Variants in TMC8 observed in about 807,000 individuals in gnomAD.
The protein encoded by TMC8 is transmembrane channel-like protein 8.
TMC8 carries 71 observed loss-of-function variants against 76.0 expected under a neutral mutation model. The ratio of observed to expected loss-of-function variants is 0.93; its 90% CI spans 0.77 to 1.14. TMC8 has a LOEUF of 1.14. Among genes scored for constraint, TMC8 ranks in the 50% most tolerant of loss-of-function variants. TMC8 has a pLI of 0.00. For missense variants in TMC8, 924 were observed against 947.9 expected, an observed-to-expected ratio of 0.97 and a Z score of 0.33; for synonymous variants, 433 against 433.8, an observed-to-expected ratio of 1.00 and a Z score of 0.02.
intron 4 of TMC8, 69 bp from the exon 5 acceptor site, chr17:78,132,719 A>G: frequency 6.4e-7 from 1 of 1,572,554 alleles, no homozygotes; most frequent in South Asian, 1.1e-5. Flanking sequence ...GGGGTTATAG[A>G]GCAGTAGCCG....
chr17:78,139,003 C>G (rs759669928), intron 14 of TMC8, 159 bp from the exon 15 acceptor site: 1 of 1,559,490 alleles, frequency 6.4e-7, no homozygotes, highest in Admixed American at 1.9e-5. Flanking sequence ...AGGGGCTCTG[C>G]GAGGAAGGAG....
chr17:78,142,924 A>G lies in TMC8; in HGVS notation c.*1812A>G, dbSNP rs2075396424. 1 of 148,824 alleles carries G rather than the reference A, an allele frequency of 6.7e-6. No individual in the cohort carries two copies. The highest frequency in any genetic ancestry group is 2.5e-5 in the African/African-American group (1 of 40,224). 9.2% of individuals were successfully genotyped at this position (148,824 alleles called of 1,614,324 possible). ...TCACCCAGGGCGAGACAAAGACGCC[A>G]TGCTCCTCCAAGTGGCCTCCAAGAT... On this transcript the variant is annotated 3_prime_UTR_variant, in exon 16 of 16. Coordinates refer to ENST00000318430, the MANE Select transcript of TMC8 (RefSeq NM_152468.5).
intron 15 of TMC8, among the ~76,000 whole-genome samples, chr17:78,139,470 C>T (rs2075319694): frequency 6.6e-6 from 1 of 152,172 alleles, no homozygotes; most frequent in African/African-American, 2.4e-5. Context: ...TGGGCCTTTG[C>T]CTGTAATCCC....
chr17:78,137,062 C>T (rs2075251646), intron 9 of TMC8, 173 bp from the exon 10 acceptor site: 5 of 940,994 alleles, frequency 5.3e-6, no homozygotes, highest in South Asian at 3.0e-5. Flanking sequence ...CCTGGAGACT[C>T]GGACTCTGAG....
rs2075385176 is a variant in TMC8 at position 78,142,257 on chromosome 17, A to G, written c.*1145A>G. 6.6e-6 allele frequency: 1 copy of G among 152,218 alleles called. No homozygotes were observed. The highest frequency in any genetic ancestry group is 1.5e-5 in the Non-Finnish European group (1 of 68,052). The allele number at this position is 152,218 out of a possible 1,614,324, so 9.4% of individuals were successfully genotyped here. ...GTTGGGCTGGGTGTGGCCAGCAGCC[A>G]GGGCATCGGGACTTTTCGAAGCTCC... On this transcript the variant is annotated 3_prime_UTR_variant, in exon 16 of 16. Coordinates refer to ENST00000318430, the MANE Select transcript of TMC8 (RefSeq NM_152468.5).
chr17:78,133,557 C>T lies in TMC8; in HGVS notation c.668+15C>T. 2 of 1,608,892 alleles carry T rather than the reference C, an allele frequency of 1.2e-6. No individual in the cohort carries two copies. Among genetic ancestry groups the T allele is most frequent in the Non-Finnish European group, 1.7e-6 (2 of 1,179,958 alleles). Reference sequence around the variant, plus strand: ...ACTCTGCGGCGGTGAGAGCGAGGTCCACACCTTCACCCCTTCCCCAGGGAA... The same window carrying T: ...ACTCTGCGGCGGTGAGAGCGAGGTCTACACCTTCACCCCTTCCCCAGGGAA... On this transcript the variant is annotated intron_variant, in intron 6 of 15. Transcript: ENST00000318430.
chr17:78,141,448 A>T lies in TMC8; in HGVS notation c.*336A>T, dbSNP rs374579830. ...GAGTGCAATTTATACACATACATCT[A>T]TTGGGAATGCTCAGAAGTTGTTTAC... On this transcript the variant is annotated 3_prime_UTR_variant, in exon 16 of 16. Coordinates refer to ENST00000318430, the MANE Select transcript of TMC8 (RefSeq NM_152468.5). 8 of 208,304 alleles carry T rather than the reference A, an allele frequency of 3.8e-5. No homozygotes were observed. Among genetic ancestry groups the T allele is most frequent in the African/African-American group, 1.6e-4 (7 of 43,854 alleles). The allele number at this position is 208,304 out of a possible 1,614,324, so 12.9% of individuals were successfully genotyped here.
intron 15 of TMC8, 150 bp from the exon 16 acceptor site, chr17:78,140,684 C>A: frequency 1.8e-6 from 2 of 1,106,386 alleles, no homozygotes; most frequent in Non-Finnish European, 2.6e-6. Context: ...GGTGTGGCCT[C>A]GAGCGGGGCG....
At chr17:78,132,573 A>G in intron 4 of TMC8, 65 bp downstream of exon 4, 6 of 1,565,630 alleles carry the variant, frequency 3.8e-6, no homozygotes, top group Non-Finnish European at 5.2e-6. Flanking sequence ...GGGCTGGCCC[A>G]GGGCCCAGAG....
intron 8 of TMC8, 48 bp from the exon 9 acceptor site, chr17:78,134,822 C>G (rs550734075): frequency 1.9e-6 from 3 of 1,610,670 alleles, no homozygotes; most frequent in Admixed American, 3.3e-5. Flanking sequence ...GGGGAGCAGA[C>G]AGGGGCCCCC....
At chr17:78,137,537 G>T in intron 10 of TMC8, 179 bp downstream of exon 10, 1 of 1,223,408 alleles carries the variant, frequency 8.2e-7, no homozygotes, top group Non-Finnish European at 1.2e-6. Flanking sequence ...GTGTAGTGTG[G>T]CTGCCCTGGC....
chr17:78,139,750 A>AC (rs2075328062), intron 15 of TMC8, among the ~76,000 whole-genome samples: 1 of 149,866 alleles, frequency 6.7e-6, no homozygotes, highest in Non-Finnish European at 1.5e-5. Context: ...AAAAAAAAAA[A>AC]AAACCGGGCA....
rs2075361807 is a variant in TMC8, at chr17:78,140,971, C to G, written c.2040C>G (p.Cys680Trp). ...AGTCCTTCTGCCCCGGATGCCCATG[C>G]CCTGGCTCCCCGGGCCACCAGGCCC... ...RPQSFCPGCPCPGSPGHQAPR... is the reference protein window; with the variant it reads ...RPQSFCPGCPWPGSPGHQAPR... The change falls in exon 16 of 16, where the codon TGC becomes TGG. Residue 680 changes from cysteine (C) to tryptophan (W), a missense_variant. By Grantham distance (215) the Cys-to-Trp change is radical. Transcript: ENST00000318430. The G allele has an allele frequency of 1.3e-6, 2 of 1,593,332 alleles. No individual in the cohort carries two copies. The highest frequency in any genetic ancestry group is 2.7e-5 in the African/African-American group (2 of 74,448).
chr17:78,141,402 G>C lies in TMC8; in HGVS notation c.*290G>C. 3.4e-6 allele frequency: 1 copy of C among 295,308 alleles called. No homozygotes were observed. The highest frequency in any genetic ancestry group is 6.2e-6 in the Non-Finnish European group (1 of 160,142). The allele number at this position is 295,308 out of a possible 1,614,324, so 18.3% of individuals were successfully genotyped here. Reference sequence around the variant, plus strand: ...TGCGATTTTTTCTAGAATGTGTTCTGCTGATTTGTTTTAGAGCCATGAGTG... The same window carrying C: ...TGCGATTTTTTCTAGAATGTGTTCTCCTGATTTGTTTTAGAGCCATGAGTG... On this transcript the variant is annotated 3_prime_UTR_variant, in exon 16 of 16. Transcript: ENST00000318430.
intron 8 of TMC8, 103 bp downstream of exon 8, chr17:78,134,667 T>C: frequency 6.5e-7 from 1 of 1,547,134 alleles, no homozygotes; most frequent in South Asian, 1.2e-5. Flanking sequence ...AGAGGTTCAA[T>C]CGGTCGTGGC....
chr17:78,141,395 GT>G lies in TMC8; in HGVS notation c.*284del, dbSNP rs2075370513. 3 of 310,508 alleles carry G rather than the reference GT, an allele frequency of 9.7e-6. No individual in the cohort carries two copies. The highest frequency in any genetic ancestry group is 1.8e-5 in the Non-Finnish European group (3 of 169,566). The allele number at this position is 310,508 out of a possible 1,614,324, so 19.2% of individuals were successfully genotyped here. A position where few individuals can be genotyped will look rare whatever the true frequency, so the allele number is the denominator to read the frequency against. The stretch of plus-strand genomic sequence containing the variant: ...TCTTGAATGCGATTTTTTCTAGAAT[GT>G]GTTCTGCTGATTTGTTTTAGAGCCA... On this transcript the variant is annotated 3_prime_UTR_variant, in exon 16 of 16. Transcript: ENST00000318430.
At chr17:78,133,816 C>A in intron 6 of TMC8, 37 bp from the exon 7 acceptor site, 1 of 1,612,094 alleles carries the variant, frequency 6.2e-7, no homozygotes, top group South Asian at 1.1e-5. Flanking sequence ...GGTAGAGGTG[C>A]CCCTCCTCCA....
intron 9 of TMC8, chr17:78,136,688 G>A (rs2075240629): frequency 5.3e-6 from 1 of 188,974 alleles, no homozygotes. Flanking sequence ...CTCCACCGCA[G>A]GGCTTGCTGC....
chr17:78,134,380 AC>A lies in TMC8; in HGVS notation c.817-11del. On this transcript the variant is annotated splice_polypyrimidine_tract_variant and intron_variant, in intron 7 of 15. Transcript: ENST00000318430. ...CCCGCCTGCAGCTGCCTCTGTCCCC[AC>A]CCTTCCGGGCAGGTGGAGCTGGAGG... The A allele has an allele frequency of 1.9e-6, 3 of 1,608,190 alleles. No homozygotes were observed. The highest frequency in any genetic ancestry group is 2.5e-6 in the Non-Finnish European group (3 of 1,179,798).
Sources: gnomAD v4.1 joint callset for allele counts (sites outside exome capture counted in the v4.1 genomes callset) on GRCh38, gnomAD v4.1.1 for gene constraint, MANE v1.5 for transcripts, NCBI Gene and HGNC (gene_info 2026-07-23, HGNC 2026-07-21) for gene names.